SLC5A4: variants seen among roughly 807,000 people sequenced by gnomAD.
SLC5A4 encodes solute carrier family 5 member 4, also known as probable glucose sensor protein SLC5A4.
In SLC5A4, 55 loss-of-function variants were observed where a neutral mutation model predicts 70.3. That is an observed-to-expected ratio of 0.78 (90% CI 0.63 to 0.98). SLC5A4 has a LOEUF of 0.98. Among genes scored for constraint, SLC5A4 ranks in the 50% least tolerant of loss-of-function variants. The pLI, the probability that SLC5A4 is intolerant of heterozygous loss-of-function variation, is 0.00. For missense variants in SLC5A4, 735 were observed against 839.2 expected (o/e 0.88, Z 1.53); for synonymous variants, 268 against 305.7 (o/e 0.88, Z 1.29).
chr22:32,354,460 A>G, the SLC5A4 span, among the ~76,000 whole-genome samples: 3 of 147,858 alleles, frequency 2.0e-5, no homozygotes, highest in Admixed American at 1.3e-4. Flanking sequence ...CCCTGGATAT[A>G]ACACGTCCCG....
the SLC5A4 span, among the ~76,000 whole-genome samples, chr22:32,300,206 T>C: frequency 6.6e-6 from 1 of 152,064 alleles, no homozygotes; most frequent in Non-Finnish European, 1.5e-5. Context: ...CCCAGCTGCT[T>C]TGTTTACCTA....
chr22:32,333,201 C>CCCCA, the SLC5A4 span, among the ~76,000 whole-genome samples: 2 of 147,414 alleles, frequency 1.4e-5, no homozygotes, highest in South Asian at 2.2e-4. Context: ...CTGGCACCCC[C>CCCCA]CCCCCAGAAG....
chr22:32,238,890 G>T, intron 6 of SLC5A4, 95 bp downstream of exon 6: 1 of 835,736 alleles, frequency 1.2e-6, no homozygotes, highest in South Asian at 1.4e-5. Context: ...CCTTTACCTC[G>T]GCAGTGACAA....
chr22:32,244,406 A>C (rs1926704958), intron 5 of SLC5A4, among the ~76,000 whole-genome samples: 1 of 152,204 alleles, frequency 6.6e-6, no homozygotes, highest in Non-Finnish European at 1.5e-5. Context: ...AGTTCTACTT[A>C]ATCATTTTCA....
chr22:32,310,269 G>C, the SLC5A4 span, among the ~76,000 whole-genome samples: 1 of 152,152 alleles, frequency 6.6e-6, no homozygotes, highest in Admixed American at 6.5e-5. Flanking sequence ...AGCAGGACAT[G>C]AGGGTTGCAA....
At chr22:32,260,632 A>C in the SLC5A4 span, among the ~76,000 whole-genome samples, 3 of 152,168 alleles carry the variant, frequency 2.0e-5, no homozygotes, top group African/African-American at 7.2e-5. Context: ...CTACTCATGG[A>C]GGGTGGCAGT....
At chr22:32,310,354 CGCT>C in the SLC5A4 span, among the ~76,000 whole-genome samples, 1 of 152,150 alleles carries the variant, frequency 6.6e-6, no homozygotes. Context: ...CCTGAGGTCC[CGCT>C]GCTCTCAGTG....
the SLC5A4 span, among the ~76,000 whole-genome samples, chr22:32,277,849 G>A: frequency 6.6e-6 from 1 of 152,056 alleles, no homozygotes; most frequent in Non-Finnish European, 1.5e-5. Flanking sequence ...CGCCCAGCCC[G>A]ATTTCTGGTT....
chr22:32,297,864 C>A, the SLC5A4 span, among the ~76,000 whole-genome samples: 1 of 102,392 alleles, frequency 9.8e-6, no homozygotes, highest in Non-Finnish European at 2.1e-5. Flanking sequence ...TCTTTGTTCT[C>A]GTTGGTTTCA....
chr22:32,259,668 T>C (rs186358340), upstream of SLC5A4, among the ~76,000 whole-genome samples: 1 of 152,346 alleles, frequency 6.6e-6, no homozygotes, highest in Non-Finnish European at 1.5e-5. Context: ...TCTTGCAGTG[T>C]CTTTGTCTCT....
chr22:32,339,490 C>G, the SLC5A4 span, among the ~76,000 whole-genome samples: 1 of 152,138 alleles, frequency 6.6e-6, no homozygotes, highest in African/African-American at 2.4e-5. Context: ...TGCGGGTTTG[C>G]TAGAGTAGAG....
rs572386867 is a variant in SLC5A4 at position 32,233,817 on chromosome 22, A to T, written c.886-783T>A. Among the ~76,000 whole-genome samples the T allele has an allele frequency of 3.9e-5, 6 of 152,130 alleles. No individual in the cohort carries two copies. The East Asian group carries it at 7.7e-4, about 20-fold the overall frequency. On this transcript the variant is annotated intron_variant, in intron 8 of 14. Coordinates refer to ENST00000266086, the MANE Select transcript of SLC5A4 (RefSeq NM_014227.3). ...TCTCTATTTAAAAAATAATGTTTTT[A>T]AAAAAGGAAGAAAACAAGAATTAAA...
intron 8 of SLC5A4, among the ~76,000 whole-genome samples, chr22:32,233,620 G>T (rs537666403): frequency 2.6e-5 from 4 of 152,098 alleles, no homozygotes; most frequent in Non-Finnish European, 4.4e-5. Context: ...GACTCCAGGA[G>T]AATCTTTCAT....
At chr22:32,250,064 T>C (rs556509806) in intron 3 of SLC5A4, among the ~76,000 whole-genome samples, 1 of 151,904 alleles carries the variant, frequency 6.6e-6, no homozygotes, top group South Asian at 2.1e-4. Flanking sequence ...GGAGGAGAGA[T>C]GAAAGGGAGA....
intron 5 of SLC5A4, among the ~76,000 whole-genome samples, chr22:32,239,897 G>A (rs945119881): frequency 4.7e-5 from 7 of 150,038 alleles, no homozygotes; most frequent in Non-Finnish European, 8.9e-5. Flanking sequence ...GGTGGCAGCC[G>A]TGTGTAGTCC....
chr22:32,337,830 T>C, the SLC5A4 span, among the ~76,000 whole-genome samples: 1 of 151,014 alleles, frequency 6.6e-6, no homozygotes, highest in African/African-American at 2.4e-5. Flanking sequence ...ACACAACAGA[T>C]GCAAATAACC....
At chr22:32,309,197 GA>G in the SLC5A4 span, among the ~76,000 whole-genome samples, 1 of 152,140 alleles carries the variant, frequency 6.6e-6, no homozygotes, top group Non-Finnish European at 1.5e-5. Context: ...TATTGGTTCT[GA>G]ATAGAGATTC....
At chr22:32,335,227 C>T in the SLC5A4 span, among the ~76,000 whole-genome samples, 5 of 152,158 alleles carry the variant, frequency 3.3e-5, no homozygotes, top group African/African-American at 9.7e-5. Context: ...CAGTGACAGC[C>T]GCTTCCGCCT....
At chr22:32,270,908 C>T in the SLC5A4 span, 11 of 568,222 alleles carry the variant, frequency 1.9e-5, no homozygotes, top group East Asian at 2.4e-4. Flanking sequence ...GTGCCTGTAC[C>T]GAGACCTCAG....
Sources: gnomAD v4.1 joint callset for allele counts (sites outside exome capture counted in the v4.1 genomes callset) on GRCh38, gnomAD v4.1.1 for gene constraint, MANE v1.5 for transcripts, NCBI Gene and HGNC (gene_info 2026-07-23, HGNC 2026-07-21) for gene names.